Variants in CCAR1 observed in about 807,000 individuals in gnomAD.
CCAR1 encodes the protein cell division cycle and apoptosis regulator protein 1.
A neutral mutation model predicts 163.8 loss-of-function variants in CCAR1; 78 were observed. The observed-to-expected ratio is 0.48, with a 90% CI of 0.40 to 0.57. The LOEUF is 0.57. CCAR1 is among the 20% of genes least tolerant of loss of function. CCAR1 has a pLI of 0.00. For missense variants in CCAR1, 1,019 were observed against 1,365.2 expected (o/e 0.75, Z 4.00); for synonymous variants, 443 against 460.7 (o/e 0.96, Z 0.49).
chr10:68,773,200 TTAGAA>T (rs994852302), intron 19 of CCAR1, 101 bp downstream of exon 19: 8 of 641,222 alleles, frequency 1.2e-5, no homozygotes, highest in Admixed American at 3.6e-5. Flanking sequence ...ATTTTTTTCT[TTAGAA>T]TAGAAAGAGT....
chr10:68,756,221 T>C lies in CCAR1; in HGVS notation c.1626-52T>C. On this transcript the variant is annotated intron_variant, in intron 13 of 24. Transcript: ENST00000265872. This position sits in a 1 kb window ranked among gnomAD's most constrained non-coding sequence, Gnocchi z 5.1. ...ATGTGCTACAAGTGAACTAGGGTCTTTAAAATGTATTTTAGAATTTTTTTT... is the reference window on the plus strand; with the variant it reads ...ATGTGCTACAAGTGAACTAGGGTCTCTAAAATGTATTTTAGAATTTTTTTT... 6.8e-7 allele frequency: 1 copy of C among 1,480,174 alleles called. No individual in the cohort carries two copies. Among genetic ancestry groups the C allele is most frequent in the East Asian group, 2.3e-5 (1 of 44,026 alleles). The allele number at this position is 1,480,174 out of a possible 1,614,324, so 91.7% of individuals were successfully genotyped here. A position where few individuals can be genotyped will look rare whatever the true frequency, so the allele number is the denominator to read the frequency against.
At chr10:68,729,206 A>G (rs2055996410) in intron 2 of CCAR1, among the ~76,000 whole-genome samples, 1 of 151,866 alleles carries the variant, frequency 6.6e-6, no homozygotes, top group Non-Finnish European at 1.5e-5. Flanking sequence ...GTAATAGGTT[A>G]TATTTAAAGT....
intron 2 of CCAR1, 31 bp downstream of exon 2, chr10:68,722,608 G>T (rs1564524773): frequency 6.6e-7 from 1 of 1,517,376 alleles, no homozygotes; most frequent in Non-Finnish European, 9.2e-7. Flanking sequence ...TACTGTAATT[G>T]TTTGTGGGGG....
chr10:68,755,604 C>T, intron 13 of CCAR1, 68 bp downstream of exon 13: 2 of 1,351,330 alleles, frequency 1.5e-6, no homozygotes, highest in Non-Finnish European at 2.0e-6. Context: ...TCTTATCGAT[C>T]AGCCTTTTCC....
chr10:68,782,563 A>G (rs922821294), intron 19 of CCAR1, among the ~76,000 whole-genome samples: 8 of 152,332 alleles, frequency 5.3e-5, no homozygotes, highest in South Asian at 2.1e-4. Context: ...TAAGACTTTC[A>G]CAGCTAGAGA....
chr10:68,791,162 G>T, intron 24 of CCAR1, 45 bp from the exon 25 acceptor site: 1 of 1,156,830 alleles, frequency 8.6e-7, no homozygotes, highest in Non-Finnish European at 1.3e-6. Flanking sequence ...TAACATTTAA[G>T]ATAATCTAAT....
intron 19 of CCAR1, among the ~76,000 whole-genome samples, chr10:68,777,103 C>A (rs924163658): frequency 1.3e-4 from 20 of 152,122 alleles, no homozygotes; most frequent in African/African-American, 4.6e-4. Context: ...TTCTGCAGTA[C>A]CCTACTTCCG....
At chr10:68,779,107 T>TGCTGG in intron 19 of CCAR1, among the ~76,000 whole-genome samples, 1 of 152,140 alleles carries the variant, frequency 6.6e-6, no homozygotes, top group South Asian at 2.1e-4. Flanking sequence ...CCTCTCAGAG[T>TGCTGG]GCTGGGATTA....
intron 3 of CCAR1, among the ~76,000 whole-genome samples, chr10:68,737,577 A>G (rs2056128147): frequency 6.6e-6 from 1 of 151,874 alleles, no homozygotes; most frequent in Non-Finnish European, 1.5e-5. Flanking sequence ...TACCTTAATT[A>G]CATGAATAAA....
At chr10:68,730,834 G>A (rs2056028008) in intron 2 of CCAR1, among the ~76,000 whole-genome samples, 1 of 152,064 alleles carries the variant, frequency 6.6e-6, no homozygotes. Context: ...GGGACTACAG[G>A]TGTGCGTCAC....
chr10:68,774,591 A>G (rs981688378), intron 19 of CCAR1, among the ~76,000 whole-genome samples: 2 of 151,682 alleles, frequency 1.3e-5, no homozygotes, highest in Non-Finnish European at 2.9e-5. Context: ...AGATTGTGCC[A>G]TTGCACTCTA....
At chr10:68,726,055 A>C (rs1484478356) in intron 2 of CCAR1, among the ~76,000 whole-genome samples, 1 of 151,194 alleles carries the variant, frequency 6.6e-6, no homozygotes, top group Admixed American at 6.6e-5. Flanking sequence ...TCTAGGCTAC[A>C]GTGAGCTGTG....
chr10:68,786,409 T>A, intron 20 of CCAR1, 137 bp from the exon 21 acceptor site: 1 of 715,778 alleles, frequency 1.4e-6, no homozygotes, highest in Non-Finnish European at 2.3e-6. Flanking sequence ...GTATACCAGA[T>A]AAACTCATTT....
chr10:68,741,712 C>T, intron 5 of CCAR1, among the ~76,000 whole-genome samples: 1 of 152,112 alleles, frequency 6.6e-6, no homozygotes, highest in East Asian at 1.9e-4. Context: ...TAAAACATCT[C>T]TAGGAGGCTT....
At chr10:68,775,643 G>A (rs992636248) in intron 19 of CCAR1, among the ~76,000 whole-genome samples, 3 of 147,250 alleles carry the variant, frequency 2.0e-5, no homozygotes, top group African/African-American at 5.0e-5. Context: ...CCGAGTAGCT[G>A]GGACTACAGA....
chr10:68,789,034 C>G (rs1197969279), intron 23 of CCAR1, among the ~76,000 whole-genome samples: 1 of 151,832 alleles, frequency 6.6e-6, no homozygotes, highest in East Asian at 2.0e-4. Context: ...CTCAGCCTCC[C>G]AAGTAGCTGG....
chr10:68,743,740 A>G (rs61868151), intron 6 of CCAR1, among the ~76,000 whole-genome samples: 6 of 14,480 alleles, frequency 4.1e-4, no homozygotes, highest in African/African-American at 6.3e-4. Flanking sequence ...TTGTTTATTT[A>G]TTTATTTATT....
intron 2 of CCAR1, among the ~76,000 whole-genome samples, chr10:68,729,266 T>G (rs1367408423): frequency 6.6e-6 from 1 of 150,848 alleles, no homozygotes; most frequent in Non-Finnish European, 1.5e-5. Context: ...TTTTTTTGGG[T>G]TTTTTTGGTT....
chr10:68,779,365 C>G (rs1366942150), intron 19 of CCAR1, among the ~76,000 whole-genome samples: 5 of 151,598 alleles, frequency 3.3e-5, no homozygotes, highest in African/African-American at 1.2e-4. Flanking sequence ...TCAAGCGATT[C>G]TCGTGCCCTC....
Sources: gnomAD v4.1 joint callset for allele counts (sites outside exome capture counted in the v4.1 genomes callset) on GRCh38, gnomAD v4.1.1 for gene constraint, Gnocchi (gnomAD v3.1) non-coding constraint, MANE v1.5 for transcripts, NCBI Gene and HGNC (gene_info 2026-07-23, HGNC 2026-07-21) for gene names.